Variants in EPHB1 observed in about 807,000 individuals in gnomAD.
The protein encoded by EPHB1 is EPH receptor B1.
A neutral mutation model predicts 94.4 loss-of-function variants in EPHB1; 30 were observed. The observed-to-expected ratio is 0.32, with a 90% CI of 0.24 to 0.43. EPHB1 has a LOEUF of 0.43. Among genes scored for constraint, EPHB1 ranks in the 20% least tolerant of loss-of-function variants. EPHB1 has a pLI of 1.00. For synonymous variants in EPHB1, 522 were observed against 489.1 expected (o/e 1.07, Z -0.89); for missense variants, 1,055 against 1,308.3 (o/e 0.81, Z 2.99).
intron 4 of EPHB1, among the ~76,000 whole-genome samples, chr3:135,113,936 C>T (rs911045740): frequency 6.6e-6 from 1 of 152,192 alleles, no homozygotes; most frequent in Admixed American, 6.5e-5. Flanking sequence ...GTGATCCTCA[C>T]TCCAGAGCAA....
rs78147413 is a variant in EPHB1, at chr3:135,227,937, A to G, written c.2347-13211A>G. 4.8e-3 allele frequency among the ~76,000 whole-genome samples: 724 copies of G among 152,252 alleles called. 1 individual carries two copies. Among genetic ancestry groups the G allele is most frequent in the African/African-American group, 0.017 (705 of 41,554 alleles). On this transcript the variant is annotated intron_variant, in intron 12 of 15. Transcript: ENST00000398015. ...AACTCTTGGAAGATACGTTACATACATCATCGCTCTTTATTCTTAGACTCT... is the reference window on the plus strand; with the variant it reads ...AACTCTTGGAAGATACGTTACATACGTCATCGCTCTTTATTCTTAGACTCT...
chr3:135,012,108 G>C (rs1257065096), intron 3 of EPHB1, among the ~76,000 whole-genome samples: 1 of 152,176 alleles, frequency 6.6e-6, no homozygotes, highest in Non-Finnish European at 1.5e-5. Context: ...AACTGAAGGT[G>C]CCTTGTCCTG....
chr3:134,919,211 G>A (rs2038628818), intron 1 of EPHB1, among the ~76,000 whole-genome samples: 1 of 152,246 alleles, frequency 6.6e-6, no homozygotes, highest in African/African-American at 2.4e-5. Flanking sequence ...TGCTGCTGAA[G>A]TTTCACAGCT....
rs375745350 is a variant in EPHB1 at position 134,795,620 on chromosome 3, C to A, written c.-12C>A. 3.1e-6 allele frequency: 5 copies of A among 1,603,324 alleles called. No individual in the cohort carries two copies. In the South Asian group the frequency reaches 5.5e-5, roughly 18 times the overall value. The stretch of plus-strand genomic sequence containing the variant: ...CTCGGCTTGGTCTCGGCCTGCGGGC[C>A]GTCGGCCGGCGATGGCCCTGGATTA... On this transcript the variant is annotated 5_prime_UTR_variant, in exon 1 of 16. Transcript: ENST00000398015.
At chr3:135,043,665 C>T (rs1484295304) in intron 3 of EPHB1, among the ~76,000 whole-genome samples, 2 of 152,244 alleles carry the variant, frequency 1.3e-5, no homozygotes, top group Non-Finnish European at 2.9e-5. Context: ...GCTCCCTCCA[C>T]ATAAGGTCCG....
At chr3:135,157,920 A>G (rs990255345) in intron 6 of EPHB1, among the ~76,000 whole-genome samples, 12 of 152,230 alleles carry the variant, frequency 7.9e-5, no homozygotes, top group African/African-American at 2.7e-4. Context: ...ATGTCATAGA[A>G]ACATTAAATG....
At chr3:135,232,712 G>C (rs1480460838) in intron 12 of EPHB1, among the ~76,000 whole-genome samples, 1 of 152,174 alleles carries the variant, frequency 6.6e-6, no homozygotes. Context: ...TGCTAATGAA[G>C]ACATACTCAA....
At chr3:134,832,672 G>T (rs1457990873) in intron 1 of EPHB1, among the ~76,000 whole-genome samples, 1 of 152,164 alleles carries the variant, frequency 6.6e-6, no homozygotes, top group Non-Finnish European at 1.5e-5. Context: ...CAAATTGAAA[G>T]TGACAATAAA....
chr3:134,932,287 G>C (rs2038921185), intron 2 of EPHB1, among the ~76,000 whole-genome samples: 1 of 152,144 alleles, frequency 6.6e-6, no homozygotes, highest in African/African-American at 2.4e-5. Flanking sequence ...CTGCTTGGTT[G>C]TTTATGTGTG....
chr3:134,973,898 G>A (rs1253473850), intron 3 of EPHB1, among the ~76,000 whole-genome samples: 3 of 152,174 alleles, frequency 2.0e-5, no homozygotes, highest in African/African-American at 7.2e-5. Context: ...GCTTGGCCTG[G>A]AGAGTATACC....
Position 135,177,457 on chromosome 3 carries a change from C to T in EPHB1, c.1760-2403C>T, listed in dbSNP as rs531199948. On this transcript the variant is annotated intron_variant, in intron 9 of 15. Coordinates refer to ENST00000398015, the MANE Select transcript of EPHB1 (RefSeq NM_004441.5). ...GAGCCTCCCCTGCCCACCCGTACAA[C>T]AGGCCAAGCAGCCCCTGACCAATTG... is the stretch of plus-strand genomic sequence containing the variant. Among the ~76,000 whole-genome samples, 4 of 152,176 alleles carry T rather than the reference C, an allele frequency of 2.6e-5. No homozygotes were observed. In the East Asian group the frequency reaches 7.8e-4, roughly 29 times the overall value.
At chr3:134,911,172 G>A (rs1419449101) in intron 1 of EPHB1, among the ~76,000 whole-genome samples, 2 of 152,230 alleles carry the variant, frequency 1.3e-5, no homozygotes, top group Non-Finnish European at 2.9e-5. Context: ...TTGGCCATCA[G>A]TGGATGCAGT....
intron 3 of EPHB1, among the ~76,000 whole-genome samples, chr3:135,015,323 C>A (rs1935760376): frequency 6.6e-6 from 1 of 152,006 alleles, no homozygotes; most frequent in South Asian, 2.1e-4. Flanking sequence ...TCACTGCAAC[C>A]TCTACCTCCT....
At chr3:134,824,268 A>C (rs1161058186) in intron 1 of EPHB1, among the ~76,000 whole-genome samples, 5 of 151,640 alleles carry the variant, frequency 3.3e-5, no homozygotes, top group Non-Finnish European at 5.9e-5. Flanking sequence ...AGGCGGAGCC[A>C]GTCGGGGGTG....
At chr3:134,806,977 T>G (rs1405288838) in intron 1 of EPHB1, among the ~76,000 whole-genome samples, 1 of 152,202 alleles carries the variant, frequency 6.6e-6, no homozygotes, top group Non-Finnish European at 1.5e-5. Flanking sequence ...TCGAAGGGCA[T>G]TCTTAGCAAG....
At chr3:135,047,626 A>G (rs7625169) in intron 3 of EPHB1, among the ~76,000 whole-genome samples, 373 of 152,254 alleles carry the variant, frequency 2.4e-3, no homozygotes, top group African/African-American at 8.4e-3. Flanking sequence ...TAGTGCATTG[A>G]TTCTCTCATT....
intron 3 of EPHB1, among the ~76,000 whole-genome samples, chr3:135,083,990 T>C (rs1298250390): frequency 6.6e-6 from 1 of 152,074 alleles, no homozygotes; most frequent in Non-Finnish European, 1.5e-5. Context: ...GTGAAATCGC[T>C]ACTGAGGCAG....
At chr3:135,139,988 G>C (rs143342167) in intron 5 of EPHB1, among the ~76,000 whole-genome samples, 1 of 152,136 alleles carries the variant, frequency 6.6e-6, no homozygotes, top group Non-Finnish European at 1.5e-5. Flanking sequence ...CCTTCACTCT[G>C]CTAGGAGTAC....
intron 12 of EPHB1, among the ~76,000 whole-genome samples, chr3:135,226,570 C>T (rs1943408511): frequency 1.3e-5 from 2 of 152,114 alleles, no homozygotes; most frequent in Non-Finnish European, 2.9e-5. Flanking sequence ...TCTTCCAACC[C>T]TGAATTCGAC....
Sources: allele counts gnomAD v4.1 joint callset (sites outside exome capture counted in the v4.1 genomes callset), GRCh38; gene constraint gnomAD v4.1.1; transcripts MANE v1.5; gene names NCBI Gene and HGNC (gene_info 2026-07-23, HGNC 2026-07-21).